Variants in TYW1 observed in about 807,000 individuals in gnomAD.
TYW1 encodes tRNA-yW synthesizing protein 1 homolog, also known as S-adenosyl-L-methionine-dependent tRNA 4-demethylwyosine synthase TYW1.
A neutral mutation model predicts 96.2 loss-of-function variants in TYW1; 46 were observed. The ratio of observed to expected loss-of-function variants is 0.48; its 90% confidence interval spans 0.38 to 0.61. The LOEUF (loss-of-function observed/expected upper bound fraction) is 0.61, where lower values mean the gene tolerates loss of function less well. Among genes scored for constraint, TYW1 ranks in the 20% least tolerant of loss-of-function variants. The pLI is 0.00. For missense variants in TYW1, 684 were observed against 909.6 expected, an observed-to-expected ratio of 0.75 and a Z score of 3.19; for synonymous variants, 274 against 323.0, an observed-to-expected ratio of 0.85 and a Z score of 1.63.
At position 67,238,515 on chromosome 7, in the gene TYW1, A is replaced by G. The variant is rs199954565; in HGVS notation, c.2185A>G (p.Ile729Val). The change falls in exon 16 of 16, where the codon ATT (isoleucine) becomes GTT (valine). Residue 729 changes from isoleucine to valine, a missense_variant. Transcript: ENST00000359626. ...RHQRKNKSKA[I>V]SGC The stretch of plus-strand genomic sequence containing the variant: ...TCAGAGAAAGAACAAATCAAAGGCT[A>G]TTTCTGGATGTTGAGATTATCTGAT... 2.1e-4 allele frequency: 335 copies of G among 1,611,926 alleles called. No individual in the cohort carries two copies. Among genetic ancestry groups the G allele is most frequent in the Non-Finnish European group, 2.7e-4 (314 of 1,179,486 alleles).
intron 12 of TYW1, among the ~76,000 whole-genome samples, chr7:67,107,742 T>TTTC (rs1797285154): frequency 6.6e-6 from 1 of 152,066 alleles, no homozygotes; most frequent in African/African-American, 2.4e-5. Context: ...TTTTTTTTTT[T>TTTC]TTCTTCAGAG....
intron 13 of TYW1, among the ~76,000 whole-genome samples, chr7:67,146,231 C>T (rs553199691): frequency 1.3e-5 from 2 of 152,208 alleles, no homozygotes; most frequent in South Asian, 4.2e-4. Flanking sequence ...TGATAGATTG[C>T]CTTCCTCCAA....
At chr7:67,097,215 G>A (rs1362662385) in intron 11 of TYW1, among the ~76,000 whole-genome samples, 1 of 152,044 alleles carries the variant, frequency 6.6e-6, no homozygotes. Flanking sequence ...GGCCTGGATT[G>A]TGGGAATTTT....
At chr7:67,135,079 T>A (rs964712010) in intron 13 of TYW1, among the ~76,000 whole-genome samples, 18 of 151,664 alleles carry the variant, frequency 1.2e-4, no homozygotes, top group South Asian at 2.1e-4. Flanking sequence ...TATGATTGTG[T>A]CACTGCCCTC....
intron 15 of TYW1, among the ~76,000 whole-genome samples, chr7:67,211,763 C>T (rs77231430): frequency 7.7e-4 from 115 of 149,318 alleles, no homozygotes; most frequent in East Asian, 4.2e-3. Flanking sequence ...GTGTATATAG[C>T]GGCGTTGGAG....
At chr7:67,142,239 G>A (rs1012922683) in intron 13 of TYW1, among the ~76,000 whole-genome samples, 1 of 152,030 alleles carries the variant, frequency 6.6e-6, no homozygotes, top group South Asian at 2.1e-4. Context: ...GAGACTACAG[G>A]CATGTGTCAC....
chr7:67,094,813 C>A (rs1181495067), intron 11 of TYW1, among the ~76,000 whole-genome samples: 1 of 151,982 alleles, frequency 6.6e-6, no homozygotes, highest in Admixed American at 6.6e-5. Context: ...CCTGGGGATT[C>A]ATTCTCTTTG....
intron 13 of TYW1, among the ~76,000 whole-genome samples, chr7:67,154,482 G>GTT (rs11464645): frequency 6.8e-6 from 1 of 147,576 alleles, no homozygotes; most frequent in Non-Finnish European, 1.5e-5. Flanking sequence ...TTGATAAGCA[G>GTT]TTTTTTTCTT....
At chr7:67,134,515 C>G (rs547784702) in intron 13 of TYW1, among the ~76,000 whole-genome samples, 159 of 151,426 alleles carry the variant, frequency 1.1e-3, no homozygotes, top group African/African-American at 3.6e-3. Flanking sequence ...GCACTCCAGG[C>G]TAGGTGATAG....
intron 10 of TYW1, among the ~76,000 whole-genome samples, chr7:67,074,830 G>T (rs118036280): frequency 6.6e-6 from 1 of 151,124 alleles, no homozygotes; most frequent in South Asian, 2.1e-4. Context: ...TATGACAGTG[G>T]GTTTTTTTTT....
chr7:67,012,639 G>A (rs1026700899), intron 4 of TYW1, among the ~76,000 whole-genome samples: 9 of 152,092 alleles, frequency 5.9e-5, no homozygotes, highest in Admixed American at 6.6e-5. Context: ...TCCCTGAACC[G>A]CAAATTGGAA....
intron 11 of TYW1, among the ~76,000 whole-genome samples, chr7:67,088,495 G>A (rs927503171): frequency 3.3e-5 from 5 of 152,186 alleles, no homozygotes; most frequent in Admixed American, 6.5e-5. Flanking sequence ...AACTTTGACA[G>A]CATTATAGAA....
chr7:67,144,593 TC>T (rs1051042601), intron 13 of TYW1, among the ~76,000 whole-genome samples: 15 of 152,066 alleles, frequency 9.9e-5, no homozygotes, highest in African/African-American at 3.4e-4. Context: ...GCCTCAGCCT[TC>T]CGAGTAGCTG....
At chr7:67,082,831 A>T (rs1330208067) in intron 10 of TYW1, among the ~76,000 whole-genome samples, 1 of 151,976 alleles carries the variant, frequency 6.6e-6, no homozygotes, top group African/African-American at 2.4e-5. Flanking sequence ...TGGCATTGTA[A>T]TCTTTTGTAT....
intron 15 of TYW1, among the ~76,000 whole-genome samples, chr7:67,230,971 G>A (rs1416626808): frequency 6.6e-6 from 1 of 152,038 alleles, no homozygotes; most frequent in Non-Finnish European, 1.5e-5. Flanking sequence ...TACCATGGAA[G>A]ATGAGGCTTG....
chr7:67,008,518 C>A (rs1467582176), intron 3 of TYW1, among the ~76,000 whole-genome samples: 2 of 152,140 alleles, frequency 1.3e-5, no homozygotes. Context: ...ATATTCATTC[C>A]ATCTTTTGTT....
At chr7:67,111,217 T>C (rs182163974) in intron 12 of TYW1, among the ~76,000 whole-genome samples, 198 of 152,214 alleles carry the variant, frequency 1.3e-3, no homozygotes, top group Non-Finnish European at 2.3e-3. Context: ...CCTTTTTTTT[T>C]TTCCGAGACG....
intron 10 of TYW1, among the ~76,000 whole-genome samples, chr7:67,074,909 T>C (rs895909153): frequency 1.3e-5 from 2 of 152,106 alleles, no homozygotes; most frequent in African/African-American, 4.8e-5. Flanking sequence ...CTTGGCTCAC[T>C]GTAACCTCTG....
chr7:67,124,802 T>A (rs1274870729), intron 13 of TYW1, among the ~76,000 whole-genome samples: 1 of 152,034 alleles, frequency 6.6e-6, no homozygotes, highest in Non-Finnish European at 1.5e-5. Context: ...ACTGAATATA[T>A]CTTCTCCCAG....
Sources: gnomAD v4.1 joint callset for allele counts (sites outside exome capture counted in the v4.1 genomes callset) on GRCh38, gnomAD v4.1.1 for gene constraint, MANE v1.5 for transcripts, NCBI Gene and HGNC (gene_info 2026-07-23, HGNC 2026-07-21) for gene names.